The following CSMD1 variants were observed in gnomAD, a reference collection of about 807,000 sequenced individuals.
CSMD1 encodes CUB and sushi domain-containing protein 1.
Under a neutral mutation model 417.5 loss-of-function variants are expected in CSMD1, and 213 were observed. That is an observed-to-expected ratio of 0.51 (90% CI 0.46 to 0.57). The LOEUF is 0.57. Among genes scored for constraint, CSMD1 ranks in the 20% least tolerant of loss-of-function variants. The pLI is 0.00. For missense variants in CSMD1, 6,923 were observed against 4,529.7 expected (o/e 1.53, Z -15.17); for synonymous variants, 2,862 against 1,736.8 (o/e 1.65, Z -16.11).
intron 1 of CSMD1, among the ~76,000 whole-genome samples, chr8:4,870,232 C>T (rs1802657373): frequency 6.6e-6 from 1 of 152,066 alleles, no homozygotes; most frequent in Admixed American, 6.6e-5. Context: ...TCCCACAACT[C>T]AAAAGTAAAA....
In CSMD1 at chr8:3,472,127, G is replaced by A. The variant is rs538133270; in HGVS notation, c.1449-3303C>T. Among the ~76,000 whole-genome samples, 33 of 152,172 alleles carry A rather than the reference G, an allele frequency of 2.2e-4. No individual in the cohort carries two copies. The South Asian group carries it at 5.4e-3, about 25-fold the overall frequency. ...TGTCATTGCTCCCTGTGGGCAATCT[G>A]ATAATGCTTGTAAAGTGACTCAAGG... is the stretch of plus-strand genomic sequence containing the variant. On this transcript the variant is annotated intron_variant, in intron 11 of 69. Coordinates refer to ENST00000635120, the MANE Select transcript of CSMD1 (RefSeq NM_033225.6).
intron 23 of CSMD1, among the ~76,000 whole-genome samples, chr8:3,311,571 C>G (rs1414037357): frequency 2.6e-5 from 4 of 152,174 alleles, no homozygotes; most frequent in African/African-American, 9.7e-5. Flanking sequence ...TCTTACAAAA[C>G]AAGCTTTATG....
At chr8:3,675,946 T>C (rs942692658) in intron 7 of CSMD1, among the ~76,000 whole-genome samples, 13 of 152,212 alleles carry the variant, frequency 8.5e-5, no homozygotes, top group Non-Finnish European at 8.8e-5. Flanking sequence ...TACCTGAGTA[T>C]TATTTTCTCA....
intron 4 of CSMD1, among the ~76,000 whole-genome samples, chr8:4,013,900 G>C (rs1309939213): frequency 1.3e-5 from 2 of 152,068 alleles, no homozygotes; most frequent in African/African-American, 2.4e-5. Flanking sequence ...CAAAATATTT[G>C]CTATCTGGCC....
intron 5 of CSMD1, among the ~76,000 whole-genome samples, chr8:3,924,612 T>A (rs13256543): frequency 0.28 from 41,801 of 151,914 alleles, 7,149 homozygotes; most frequent in South Asian, 0.43. Flanking sequence ...TATATTTCAC[T>A]AATTCTATTT....
At chr8:4,438,301 G>A (rs1798262365) in intron 2 of CSMD1, among the ~76,000 whole-genome samples, 1 of 152,150 alleles carries the variant, frequency 6.6e-6, no homozygotes, top group Non-Finnish European at 1.5e-5. Context: ...AATGCTCATG[G>A]AGGTGGTGTC....
intron 1 of CSMD1, among the ~76,000 whole-genome samples, chr8:4,708,327 T>C (rs1023487912): frequency 3.3e-5 from 5 of 152,182 alleles, no homozygotes; most frequent in African/African-American, 1.2e-4. Context: ...TCTCCCTAGG[T>C]GGAATGTAAG....
chr8:3,162,232 C>G lies in CSMD1; in HGVS notation c.5771G>C (p.Ser1924Thr), dbSNP rs1476719408. 1 of 1,611,494 alleles carries G rather than the reference C, an allele frequency of 6.2e-7. No individual in the cohort carries two copies. The highest frequency in any genetic ancestry group is 8.5e-7 in the Non-Finnish European group (1 of 1,178,916). ...CATGTACCGATCTCCGATTTTGATG[C>G]TGTTGCTGGGGAGGGCTGGTTCTTG... ...ACQEPALPSN[S>T]IKIGDRYMVN... The change falls in exon 38 of 70, where the codon AGC becomes ACC. Residue 1924 changes from serine to threonine, a missense_variant. Coordinates refer to ENST00000635120, the MANE Select transcript of CSMD1 (RefSeq NM_033225.6).
chr8:3,335,531 G>C (rs1053924979), intron 23 of CSMD1, among the ~76,000 whole-genome samples: 1 of 152,088 alleles, frequency 6.6e-6, no homozygotes, highest in Non-Finnish European at 1.5e-5. Flanking sequence ...TACAAAATTA[G>C]CCGGGTGTGG....
chr8:4,409,614 A>G (rs184091464), intron 3 of CSMD1, among the ~76,000 whole-genome samples: 15 of 150,426 alleles, frequency 1.0e-4, no homozygotes, highest in Admixed American at 5.3e-4. Flanking sequence ...TTAGAAGAGT[A>G]TAGATTCATC....
chr8:3,405,924 AG>A (rs1253427309), intron 15 of CSMD1, 102 bp downstream of exon 15: 2 of 1,066,222 alleles, frequency 1.9e-6, no homozygotes, highest in Non-Finnish European at 2.7e-6. Context: ...GTATTTTGTT[AG>A]GGCAGCCCTA....
intron 3 of CSMD1, among the ~76,000 whole-genome samples, chr8:4,327,813 T>G (rs751146310): frequency 7.2e-5 from 11 of 152,224 alleles, no homozygotes; most frequent in Non-Finnish European, 1.6e-4. Flanking sequence ...AAATGTCTCC[T>G]GTAAGTATAA....
intron 3 of CSMD1, among the ~76,000 whole-genome samples, chr8:4,325,440 G>C (rs778106011): frequency 6.6e-6 from 1 of 152,146 alleles, no homozygotes; most frequent in Non-Finnish European, 1.5e-5. Context: ...GCAATACATG[G>C]TATTTACTTC....
intron 5 of CSMD1, among the ~76,000 whole-genome samples, chr8:3,994,017 G>T (rs564013652): frequency 6.6e-6 from 1 of 152,332 alleles, no homozygotes; most frequent in South Asian, 2.1e-4. Context: ...GCCTGGCAGG[G>T]AGGGAGCCAG....
chr8:3,486,585 A>G (rs1276005738), intron 11 of CSMD1, among the ~76,000 whole-genome samples: 8 of 152,240 alleles, frequency 5.3e-5, no homozygotes, highest in African/African-American at 1.9e-4. Flanking sequence ...CAGCCAGAAC[A>G]ACTGGAAATG....
chr8:3,491,569 G>A (rs999917344), intron 11 of CSMD1, among the ~76,000 whole-genome samples: 2 of 152,160 alleles, frequency 1.3e-5, no homozygotes. Flanking sequence ...TAAGCTAGAG[G>A]GAGGTGTTCT....
chr8:3,063,660 G>A (rs1812737123), intron 49 of CSMD1, among the ~76,000 whole-genome samples: 1 of 152,160 alleles, frequency 6.6e-6, no homozygotes, highest in Non-Finnish European at 1.5e-5. Flanking sequence ...TAAAAAGGAA[G>A]GGAATTCTGA....
At chr8:4,511,882 C>T (rs1284462961) in intron 2 of CSMD1, among the ~76,000 whole-genome samples, 1 of 152,090 alleles carries the variant, frequency 6.6e-6, no homozygotes, top group East Asian at 1.9e-4. Context: ...CTCCTGCTTC[C>T]AGCTTGGGGA....
intron 12 of CSMD1, among the ~76,000 whole-genome samples, chr8:3,443,400 A>C (rs1267136389): frequency 6.6e-6 from 1 of 152,204 alleles, no homozygotes; most frequent in Non-Finnish European, 1.5e-5. Context: ...TTAGATAGAA[A>C]AAAAATAGAG....
Sources: gnomAD v4.1 joint callset for allele counts (sites outside exome capture counted in the v4.1 genomes callset) on GRCh38, gnomAD v4.1.1 for gene constraint, MANE v1.5 for transcripts, NCBI Gene and HGNC (gene_info 2026-07-23, HGNC 2026-07-21) for gene names.